RO60: variants seen among roughly 807,000 people sequenced by gnomAD.
RO60 encodes RNA-binding protein RO60.
A neutral mutation model predicts 55.3 loss-of-function variants in RO60; 20 were observed. That is an observed-to-expected ratio of 0.36 (90% CI 0.25 to 0.53). RO60 has a LOEUF of 0.53. Ranked by LOEUF, RO60 falls within the 20% of genes least tolerant of loss-of-function variation. The probability of loss-of-function intolerance (pLI) is 0.92; values close to 1 mark genes in which losing one functional copy is unlikely to be tolerated. For missense variants in RO60, 558 were observed against 646.6 expected (o/e 0.86, Z 1.49); for synonymous variants, 213 against 213.6 (o/e 1.00, Z 0.02).
At chr1:193,063,232 G>A (rs1672900272) in intron 1 of RO60, among the ~76,000 whole-genome samples, 1 of 152,134 alleles carries the variant, frequency 6.6e-6, no homozygotes, top group South Asian at 2.1e-4. Flanking sequence ...ATGTGAAGTG[G>A]TATCTTATTG....
chr1:193,069,700 A>G (rs1673351217), intron 2 of RO60, 66 bp downstream of exon 2: 2 of 1,256,974 alleles, frequency 1.6e-6, no homozygotes, highest in Non-Finnish European at 1.1e-6. Context: ...GCAAATTTTT[A>G]TTTAACATAA....
At chr1:193,074,964 T>C (rs189412871) in intron 2 of RO60, among the ~76,000 whole-genome samples, 10 of 152,300 alleles carry the variant, frequency 6.6e-5, no homozygotes, top group Admixed American at 5.2e-4. Context: ...TTTTGCCACG[T>C]TGGGCACACT....
intron 5 of RO60, among the ~76,000 whole-genome samples, chr1:193,079,854 C>T (rs569984967): frequency 6.6e-6 from 1 of 151,820 alleles, no homozygotes; most frequent in East Asian, 1.9e-4. Context: ...GGGCCAGGTG[C>T]AGTGGCTCAC....
At chr1:193,070,482 A>G (rs1459606314) in intron 2 of RO60, 1 of 380,320 alleles carries the variant, frequency 2.6e-6, no homozygotes. Flanking sequence ...GGCAGGAGTA[A>G]TTTGAAGTGT....
At chr1:193,060,229 C>T in intron 1 of RO60, 7 of 680,016 alleles carry the variant, frequency 1.0e-5, no homozygotes, top group Non-Finnish European at 1.5e-5. Context: ...AAAGGTTTGT[C>T]CATGGGGCTG....
At position 193,076,617 on chromosome 1, in the gene RO60, A is replaced by C; in HGVS notation, c.918A>C (p.Glu306Asp). 1 of 1,606,370 alleles carries C rather than the reference A, an allele frequency of 6.2e-7. No homozygotes were observed. Among genetic ancestry groups the C allele is most frequent in the Non-Finnish European group, 8.5e-7 (1 of 1,177,180 alleles). The change falls in exon 4 of 9, where the codon GAA becomes GAC. Residue 306 changes from glutamate (E) to aspartate (D), a missense_variant. Glu to Asp is a conservative substitution (Grantham distance 45). Coordinates refer to ENST00000400968, the MANE Select transcript of RO60 (RefSeq NM_001173524.2). ...PGNSEVSLVC[E>D]KLCNEKLLKK... ...ATTCAGAAGTATCTTTAGTATGTGA[A>C]AAACTGTGTAATGAAAAACTATTAA...
At position 193,069,161 on chromosome 1, in the gene RO60, T is replaced by G; in HGVS notation, c.107T>G (p.Phe36Cys). The stretch of plus-strand genomic sequence containing the variant: ...ACTGACATGAATCGACTACACCGGT[T>G]CTTATGTTTCGGTTCTGAAGGTGGG... ...QVTDMNRLHR[F>C]LCFGSEGGTY... is the part of the protein sequence containing the mutation. Residue 36 changes from phenylalanine (F) to cysteine (C), a missense_variant, in exon 2 of 9, where the codon TTC becomes TGC. Transcript: ENST00000400968. The G allele has an allele frequency of 6.2e-7, 1 of 1,614,228 alleles. No individual in the cohort carries two copies. The highest frequency in any genetic ancestry group is 8.5e-7 in the Non-Finnish European group (1 of 1,180,038).
At position 193,060,729 on chromosome 1, in the gene RO60, TA is replaced by T. The variant is rs869223383; in HGVS notation, c.-22+961del. On this transcript the variant is annotated intron_variant, in intron 1 of 8. Coordinates refer to ENST00000400968, the MANE Select transcript of RO60 (RefSeq NM_001173524.2). ...CCAAAATTTGTATGAAGTGTTGGTT[TA>T]AAAAAAATTTTTTTTGTAACTTTCT... is the stretch of plus-strand genomic sequence containing the variant. 3.4e-4 allele frequency among the ~76,000 whole-genome samples: 51 copies of T among 152,126 alleles called. 1 individual carries two copies. Among genetic ancestry groups the T allele is most frequent in the Non-Finnish European group, 4.6e-4 (31 of 68,010 alleles).
chr1:193,077,180 C>T (rs1673982654), intron 5 of RO60, 130 bp downstream of exon 5: 1 of 902,348 alleles, frequency 1.1e-6, no homozygotes, highest in Middle Eastern at 3.6e-4. Context: ...TTCTTTAGTT[C>T]ATATGTGGTG....
At chr1:193,079,071 G>A (rs908396546) in intron 5 of RO60, among the ~76,000 whole-genome samples, 1 of 139,222 alleles carries the variant, frequency 7.2e-6, no homozygotes, top group Non-Finnish European at 1.5e-5. Context: ...TTGCATATAT[G>A]TTCAGTTGAC....
chr1:193,065,776 T>C (rs931708166), intron 1 of RO60, among the ~76,000 whole-genome samples: 2 of 152,252 alleles, frequency 1.3e-5, no homozygotes, highest in African/African-American at 4.8e-5. Flanking sequence ...TAATGACTAA[T>C]ATGATCATTA....
chr1:193,069,673 G>C, intron 2 of RO60, 39 bp downstream of exon 2: 1 of 1,502,314 alleles, frequency 6.7e-7, no homozygotes, highest in Non-Finnish European at 9.0e-7. Context: ...GGGTGGGTAA[G>C]GGATATTCAA....
At chr1:193,061,156 C>G (rs972884473) in intron 1 of RO60, among the ~76,000 whole-genome samples, 3 of 152,182 alleles carry the variant, frequency 2.0e-5, no homozygotes, top group Non-Finnish European at 4.4e-5. Flanking sequence ...AAAATGAGAT[C>G]TGGCAACTAC....
chr1:193,080,122 A>G (rs1572098398), intron 5 of RO60, among the ~76,000 whole-genome samples: 1 of 152,040 alleles, frequency 6.6e-6, no homozygotes, highest in South Asian at 2.1e-4. Flanking sequence ...CAAGAGTGAA[A>G]CTCTGTCTCA....
At chr1:193,067,504 C>G (rs1240020029) in intron 1 of RO60, among the ~76,000 whole-genome samples, 1 of 151,280 alleles carries the variant, frequency 6.6e-6, no homozygotes, top group Non-Finnish European at 1.5e-5. Context: ...TTTTTTTAGT[C>G]TCTTTAATGG....
At chr1:193,076,691 A>G in intron 4 of RO60, 44 bp downstream of exon 4, 1 of 1,527,612 alleles carries the variant, frequency 6.5e-7, no homozygotes, top group Non-Finnish European at 8.8e-7. Flanking sequence ...CTAACTGAGA[A>G]AGTGGCTCCT....
intron 2 of RO60, chr1:193,070,523 T>C (rs1175468864): frequency 2.4e-6 from 1 of 425,080 alleles, no homozygotes; most frequent in Non-Finnish European, 4.7e-6. Context: ...ATGTTCAAAA[T>C]TTGACTTTTT....
chr1:193,076,664 T>C lies in RO60; in HGVS notation c.948+17T>C. 3 of 1,581,736 alleles carry C rather than the reference T, an allele frequency of 1.9e-6. No individual in the cohort carries two copies. The highest frequency in any genetic ancestry group is 1.2e-5 in the South Asian group (1 of 85,684). ...TTAAAAAAGGTAAGCATTATCATTG[T>C]TCTTTATTAGCTACTACTAACTGAG... On this transcript the variant is annotated intron_variant, in intron 4 of 8. Transcript: ENST00000400968.
Position 193,069,395 on chromosome 1 carries a change from C to T in RO60, c.341C>T (p.Ala114Val). The change falls in exon 2 of 9, where the codon GCT becomes GTT. Residue 114 changes from alanine to valine, a missense_variant. Transcript: ENST00000400968. ...AGCACAAAACAAGCAGCATTTAAAG[C>T]TGTTTCTGAAGTTTGTCGCATTCCT... ...DISTKQAAFK[A>V]VSEVCRIPTH... The T allele has an allele frequency of 1.2e-6, 2 of 1,614,070 alleles. No homozygotes were observed. Among genetic ancestry groups the T allele is most frequent in the South Asian group, 1.1e-5 (1 of 91,078 alleles).
Sources: allele counts gnomAD v4.1 joint callset (sites outside exome capture counted in the v4.1 genomes callset), GRCh38; gene constraint gnomAD v4.1.1; transcripts MANE v1.5; gene names NCBI Gene and HGNC (gene_info 2026-07-23, HGNC 2026-07-21).